The following FRMD3 variants were observed in gnomAD, a reference collection of about 807,000 sequenced individuals.
The protein encoded by FRMD3 is FERM domain containing 3, also known as FERM domain-containing protein 3.
In FRMD3, 33 loss-of-function variants were observed where a neutral mutation model predicts 70.2. The ratio of observed to expected loss-of-function variants is 0.47; its 90% CI spans 0.36 to 0.63. The LOEUF (loss-of-function observed/expected upper bound fraction) is 0.63. Ranked by LOEUF, FRMD3 falls within the 20% of genes least tolerant of loss-of-function variation. The pLI is 0.00. For missense variants in FRMD3, 632 were observed against 711.4 expected, an observed-to-expected ratio of 0.89 and a Z score of 1.27; for synonymous variants, 279 against 255.9, an observed-to-expected ratio of 1.09 and a Z score of -0.86.
At chr9:83,467,533 A>G (rs1029313165) in intron 1 of FRMD3, 3 of 902,704 alleles carry the variant, frequency 3.3e-6, no homozygotes, top group South Asian at 2.8e-5. Flanking sequence ...AAATAATTCA[A>G]AACATTGCAT....
chr9:83,318,605 G>A (rs533923901), intron 6 of FRMD3, among the ~76,000 whole-genome samples: 70 of 151,950 alleles, frequency 4.6e-4, no homozygotes, highest in African/African-American at 1.5e-3. Context: ...TATGAGTGCC[G>A]GTATCTCTTT....
intron 10 of FRMD3, among the ~76,000 whole-genome samples, chr9:83,300,278 G>A (rs1834856607): frequency 6.6e-6 from 1 of 152,198 alleles, no homozygotes; most frequent in Non-Finnish European, 1.5e-5. Flanking sequence ...AAGATGCCCT[G>A]AGGAAGGGAC....
intron 1 of FRMD3, among the ~76,000 whole-genome samples, chr9:83,398,186 C>A (rs1825856439): frequency 6.6e-6 from 1 of 152,128 alleles, no homozygotes. Context: ...ACAGCTTTAA[C>A]AAAAACTGCA....
rs113210081 is a variant in FRMD3 at position 83,457,929 on chromosome 9, T to C, written c.148-68221A>G. 7.3e-3 allele frequency among the ~76,000 whole-genome samples: 1,040 copies of C among 142,400 alleles called. 12 individuals are homozygous for C. Among genetic ancestry groups the C allele is most frequent in the African/African-American group, 0.026 (977 of 38,076 alleles). 93.4% of individuals were successfully genotyped at this position (142,400 alleles called of 152,430 possible). A position where few individuals can be genotyped will look rare whatever the true frequency, so the allele number is the denominator to read the frequency against. On this transcript the variant is annotated intron_variant, in intron 1 of 13. Coordinates refer to ENST00000304195, the MANE Select transcript of FRMD3 (RefSeq NM_174938.6). Reference sequence around the variant, plus strand: ...ATATATAATTGTTATTCCTCAAGTATACCTCAATAAAGCTGAAAAAGTAAA... The same window carrying C: ...ATATATAATTGTTATTCCTCAAGTACACCTCAATAAAGCTGAAAAAGTAAA...
chr9:83,374,358 G>A (rs1825076613), intron 2 of FRMD3, among the ~76,000 whole-genome samples: 1 of 151,782 alleles, frequency 6.6e-6, no homozygotes, highest in African/African-American at 2.4e-5. Context: ...TCTTATAAGA[G>A]TTTCAACATT....
In FRMD3 at chr9:83,248,005, C is replaced by T. The variant is rs1383177757; in HGVS notation, c.1707G>A (p.Glu569=). The T allele has an allele frequency of 1.2e-6, 2 of 1,614,182 alleles. No individual in the cohort carries two copies. Among genetic ancestry groups the T allele is most frequent in the South Asian group, 2.2e-5 (2 of 91,080 alleles). The part of the protein sequence containing the change: ...LCEIRQTPEF[E]QFHYEYYCPL... ...GACAGTAGTATTCATAGTGAAACTG[C>T]TCAAACTCTGGTGTCTGGCGGATTT... Residue 569 remains glutamate (E), a synonymous_variant, in exon 14 of 14, where the codon GAG becomes GAA. Coordinates refer to ENST00000304195, the MANE Select transcript of FRMD3 (RefSeq NM_174938.6).
chr9:83,361,687 T>C (rs1283656621), intron 3 of FRMD3, among the ~76,000 whole-genome samples: 4 of 152,036 alleles, frequency 2.6e-5, no homozygotes, highest in African/African-American at 9.7e-5. Flanking sequence ...GTAGATGTAA[T>C]TGATTAATTA....
chr9:83,519,370 G>C (rs145531185), intron 1 of FRMD3, among the ~76,000 whole-genome samples: 2 of 151,988 alleles, frequency 1.3e-5, no homozygotes, highest in Non-Finnish European at 2.9e-5. Flanking sequence ...ACATTTATGC[G>C]GCCGCCAAAC....
the FRMD3 span, among the ~76,000 whole-genome samples, chr9:83,545,550 G>A: frequency 6.6e-6 from 1 of 151,712 alleles, no homozygotes; most frequent in East Asian, 1.9e-4. Context: ...GTAGAGATGG[G>A]GTTTCACCGT....
chr9:83,339,736 C>T (rs940962526), intron 5 of FRMD3, among the ~76,000 whole-genome samples: 3 of 152,158 alleles, frequency 2.0e-5, no homozygotes, highest in Admixed American at 1.3e-4. Flanking sequence ...TCACAATGGC[C>T]TGTTTCCTTA....
chr9:83,324,335 C>T (rs2131099650), intron 6 of FRMD3, among the ~76,000 whole-genome samples: 1 of 152,116 alleles, frequency 6.6e-6, no homozygotes, highest in African/African-American at 2.4e-5. Context: ...GAAAAGTGTA[C>T]CTATGGGAGG....
At chr9:83,375,238 C>A (rs369797984) in intron 2 of FRMD3, among the ~76,000 whole-genome samples, 2 of 152,334 alleles carry the variant, frequency 1.3e-5, no homozygotes. Context: ...AGACAGGGAA[C>A]ATGTAAGGCA....
intron 1 of FRMD3, among the ~76,000 whole-genome samples, chr9:83,429,070 A>C (rs1431175439): frequency 1.3e-5 from 2 of 152,210 alleles, no homozygotes; most frequent in Non-Finnish European, 2.9e-5. Context: ...ATGTAGGCTA[A>C]ATTTATTTGT....
In FRMD3 at chr9:83,330,859, T is replaced by G. The variant is rs1011987710; in HGVS notation, c.596+4657A>C. On this transcript the variant is annotated intron_variant, in intron 6 of 13. Coordinates refer to ENST00000304195, the MANE Select transcript of FRMD3 (RefSeq NM_174938.6). ...ACATCTCCATATCATCTAGTTCACATGATATTAAAAGGCCCAAAGATGCCT... is the reference window on the plus strand; with the variant it reads ...ACATCTCCATATCATCTAGTTCACAGGATATTAAAAGGCCCAAAGATGCCT... Among the ~76,000 whole-genome samples the G allele has an allele frequency of 2.0e-5, 3 of 152,228 alleles. No homozygotes were observed. In the South Asian group the frequency reaches 6.2e-4, roughly 31 times the overall value.
intron 13 of FRMD3, among the ~76,000 whole-genome samples, chr9:83,261,974 A>C (rs1394443921): frequency 2.6e-5 from 4 of 152,228 alleles, no homozygotes; most frequent in African/African-American, 9.6e-5. Flanking sequence ...TAATACATGC[A>C]AAGTGCCTGA....
chr9:83,255,932 A>C (rs1832685916), intron 13 of FRMD3, among the ~76,000 whole-genome samples: 7 of 152,216 alleles, frequency 4.6e-5, no homozygotes, highest in Admixed American at 4.6e-4. Context: ...ATATTGTGAA[A>C]ATGGCCATAC....
At chr9:83,501,139 G>GA (rs1422694653) in intron 1 of FRMD3, among the ~76,000 whole-genome samples, 1 of 151,984 alleles carries the variant, frequency 6.6e-6, no homozygotes, top group Non-Finnish European at 1.5e-5. Flanking sequence ...ATTTTTCTTT[G>GA]AAAATCCTAC....
At position 83,449,736 on chromosome 9, in the gene FRMD3, A is replaced by G. The variant is rs145254154; in HGVS notation, c.148-60028T>C. On this transcript the variant is annotated intron_variant, in intron 1 of 13. Coordinates refer to ENST00000304195, the MANE Select transcript of FRMD3 (RefSeq NM_174938.6). ...CTAGACTCATGTTTGTTGATTGGACATTATAACCAAGTGATGGACTTGATC... is the reference window on the plus strand; with the variant it reads ...CTAGACTCATGTTTGTTGATTGGACGTTATAACCAAGTGATGGACTTGATC... Among the ~76,000 whole-genome samples, 540 of 152,326 alleles carry G rather than the reference A, an allele frequency of 3.5e-3. 2 individuals are homozygous for G. The highest frequency in any genetic ancestry group is 0.012 in the African/African-American group (490 of 41,576).
chr9:83,556,808 T>G, the FRMD3 span, among the ~76,000 whole-genome samples: 3 of 152,082 alleles, frequency 2.0e-5, no homozygotes, highest in Non-Finnish European at 4.4e-5. Context: ...ATATGAGGAT[T>G]GTGATATTTA....
Sources: gnomAD v4.1 joint callset for allele counts (sites outside exome capture counted in the v4.1 genomes callset) on GRCh38, gnomAD v4.1.1 for gene constraint, MANE v1.5 for transcripts, NCBI Gene and HGNC (gene_info 2026-07-23, HGNC 2026-07-21) for gene names.